Variants in DNAH9 observed in about 807,000 individuals in gnomAD.
The protein encoded by DNAH9 is DNAH9 variant protein.
DNAH9 carries 345 observed loss-of-function variants against 471.6 expected under a neutral mutation model. The observed-to-expected ratio is 0.73, with a 90% CI of 0.67 to 0.80. The LOEUF (loss-of-function observed/expected upper bound fraction) is 0.80, where lower values mean the gene tolerates loss of function less well. Among genes scored for constraint, DNAH9 ranks in the 30% least tolerant of loss-of-function variants. The pLI, the probability that DNAH9 is intolerant of heterozygous loss-of-function variation, is 0.00. For missense variants in DNAH9, 5,407 were observed against 5,609.2 expected (o/e 0.96, Z 1.15); for synonymous variants, 2,093 against 2,123.6 (o/e 0.99, Z 0.40).
intron 45 of DNAH9, among the ~76,000 whole-genome samples, chr17:11,821,128 C>CA (rs1429130252): frequency 6.6e-6 from 1 of 151,384 alleles, no homozygotes; most frequent in South Asian, 2.1e-4. Context: ...ACTAAAAATA[C>CA]AAAAAAAATT....
intron 26 of DNAH9, among the ~76,000 whole-genome samples, chr17:11,709,075 C>T (rs2150784119): frequency 6.6e-6 from 1 of 152,310 alleles, no homozygotes; most frequent in Non-Finnish European, 1.5e-5. Flanking sequence ...TGGGCCTTCG[C>T]AGTCGCCCAG....
intron 45 of DNAH9, among the ~76,000 whole-genome samples, chr17:11,812,803 C>T (rs1969972894): frequency 1.3e-5 from 2 of 152,142 alleles, no homozygotes; most frequent in African/African-American, 2.4e-5. Context: ...ATCTCTTTAA[C>T]ATCTCATCAC....
At chr17:11,930,765 C>CAAAAAAAAAAAAAAAAAAAAAAAA (rs11371438) in intron 63 of DNAH9, among the ~76,000 whole-genome samples, 30 of 125,154 alleles carry the variant, frequency 2.4e-4, no homozygotes, top group African/African-American at 9.1e-4. Flanking sequence ...ACTCCATCTC[C>CAAAAAAAAAAAAAAAAAAAAAAAA]AAAAAAAAAA....
In DNAH9 at chr17:11,956,360, T is replaced by A. The variant is rs570369697; in HGVS notation, c.12844-5507T>A. Among the ~76,000 whole-genome samples the A allele has an allele frequency of 1.6e-3, 246 of 149,358 alleles. 2 individuals are homozygous for A. Among genetic ancestry groups the A allele is most frequent in the African/African-American group, 5.7e-3 (223 of 38,902 alleles). On this transcript the variant is annotated intron_variant, in intron 67 of 68. Coordinates refer to ENST00000262442, the MANE Select transcript of DNAH9 (RefSeq NM_001372.4). Reference sequence around the variant, plus strand: ...TACATAAAGCAAAAAAATGATAGAATCAAAAGAAGAAATAAACAAATCCAT... The same window carrying A: ...TACATAAAGCAAAAAAATGATAGAAACAAAAGAAGAAATAAACAAATCCAT...
intron 27 of DNAH9, among the ~76,000 whole-genome samples, chr17:11,721,592 C>T (rs2150805260): frequency 6.6e-6 from 1 of 150,724 alleles, no homozygotes; most frequent in South Asian, 2.1e-4. Context: ...TGCAGGATGC[C>T]AAAAACAGAT....
chr17:11,690,321 A>G lies in DNAH9; in HGVS notation c.4499A>G (p.Lys1500Arg), dbSNP rs1567721166. Residue 1500 changes from lysine to arginine, a missense_variant, in exon 20 of 69, where the codon AAG becomes AGG. By Grantham distance (26) the Lys-to-Arg change is conservative. Transcript: ENST00000262442. ...FFLEEVSGWQ[K>R]KLSTVDAVIS... Reference sequence around the variant, plus strand: ...TTGGAGGAGGTGTCGGGCTGGCAGAAGAAGCTGTCCACAGTGGACGCTGTC... The same window carrying G: ...TTGGAGGAGGTGTCGGGCTGGCAGAGGAAGCTGTCCACAGTGGACGCTGTC... The G allele has an allele frequency of 2.5e-6, 4 of 1,614,094 alleles. No individual in the cohort carries two copies. The highest frequency in any genetic ancestry group is 1.7e-5 in the Admixed American group (1 of 60,000).
chr17:11,969,589 G>A lies in DNAH9; in HGVS notation c.*62G>A, dbSNP rs1196506371. ...GCTTGGAGGCTGCCTAGAGGGACAG[G>A]TGGGTGAAGGGTCACCACAGACACT... On this transcript the variant is annotated 3_prime_UTR_variant, in exon 69 of 69. Coordinates refer to ENST00000262442, the MANE Select transcript of DNAH9 (RefSeq NM_001372.4). The A allele has an allele frequency of 1.1e-5, 15 of 1,353,130 alleles. No individual in the cohort carries two copies. Among genetic ancestry groups the A allele is most frequent in the Non-Finnish European group, 1.3e-5 (13 of 999,992 alleles). The allele number at this position is 1,353,130 out of a possible 1,614,324, so 83.8% of individuals were successfully genotyped here. A position where few individuals can be genotyped will look rare whatever the true frequency, so the allele number is the denominator to read the frequency against.
intron 1 of DNAH9, among the ~76,000 whole-genome samples, chr17:11,607,869 C>T (rs986958006): frequency 7.2e-5 from 11 of 152,208 alleles, no homozygotes; most frequent in East Asian, 3.9e-4. Context: ...CGCACTTAGC[C>T]GATAAAGAAT....
At chr17:11,727,297 A>G (rs910727773) in intron 27 of DNAH9, among the ~76,000 whole-genome samples, 1 of 151,878 alleles carries the variant, frequency 6.6e-6, no homozygotes, top group African/African-American at 2.4e-5. Context: ...ATTTGAAAAG[A>G]TTTACCTTTA....
chr17:11,649,039 AT>A (rs1191704822), intron 12 of DNAH9, among the ~76,000 whole-genome samples: 1 of 151,908 alleles, frequency 6.6e-6, no homozygotes, highest in Non-Finnish European at 1.5e-5. Context: ...AGGCAGGAGA[AT>A]TGCTTGAACC....
chr17:11,866,725 C>A (rs1325225634), intron 50 of DNAH9, among the ~76,000 whole-genome samples: 1 of 152,228 alleles, frequency 6.6e-6, no homozygotes, highest in African/African-American at 2.4e-5. Flanking sequence ...TGGGCAATGG[C>A]GGGCGCCCCT....
At chr17:11,895,665 C>T (rs1201854570) in intron 59 of DNAH9, among the ~76,000 whole-genome samples, 1 of 152,088 alleles carries the variant, frequency 6.6e-6, no homozygotes, top group African/African-American at 2.4e-5. Context: ...TCATGTTGGC[C>T]TTCTATAACC....
intron 19 of DNAH9, among the ~76,000 whole-genome samples, chr17:11,682,279 C>T (rs2074146488): frequency 2.0e-5 from 3 of 150,908 alleles, no homozygotes; most frequent in Non-Finnish European, 4.4e-5. Context: ...GAGGTAGCGT[C>T]TTGCTCTGTC....
chr17:11,752,393 T>C (rs922008598), intron 32 of DNAH9, among the ~76,000 whole-genome samples: 5 of 152,208 alleles, frequency 3.3e-5, no homozygotes, highest in African/African-American at 1.2e-4. Context: ...TTATGAAAAG[T>C]TAGACTAAAG....
rs750883499 is a variant in DNAH9, at chr17:11,705,196, G to T, written c.5552+11G>T. 1.2e-6 allele frequency: 2 copies of T among 1,613,200 alleles called. No individual in the cohort carries two copies. Among genetic ancestry groups the T allele is most frequent in the South Asian group, 2.2e-5 (2 of 91,014 alleles). On this transcript the variant is annotated intron_variant, in intron 26 of 68. Coordinates refer to ENST00000262442, the MANE Select transcript of DNAH9 (RefSeq NM_001372.4). ...ACCTTTGACTGACAGGTGAGCACTG[G>T]TGTCAACCACTGACAGCCTTACTGC...
chr17:11,937,388 C>T lies in DNAH9; in HGVS notation c.12526C>T (p.Leu4176Phe). 2 of 1,613,898 alleles carry T rather than the reference C, an allele frequency of 1.2e-6. No homozygotes were observed. Among genetic ancestry groups the T allele is most frequent in the Admixed American group, 1.7e-5 (1 of 59,996 alleles). ...DAELPPESPY[L>F]YGLHPNAEIG... ...TGAGCTGCCCCCAGAATCCCCCTACCTCTATGGCCTCCACCCGAACGCAGA... is the reference window on the plus strand; with the variant it reads ...TGAGCTGCCCCCAGAATCCCCCTACTTCTATGGCCTCCACCCGAACGCAGA... Residue 4176 changes from leucine to phenylalanine, a missense_variant, in exon 66 of 69, where the codon CTC (leucine) becomes TTC (phenylalanine). Physicochemically the swap from Leu to Phe is conservative, Grantham distance 22. This residue lies in a region of DNAH9 where 4,636 missense variants were observed against 4,900.3 expected (regional missense o/e 0.95). Transcript: ENST00000262442. The surrounding 1 kb of genome is among the most constrained non-coding windows in gnomAD (Gnocchi z 4.1).
chr17:11,725,234 A>G (rs758783644), intron 27 of DNAH9, among the ~76,000 whole-genome samples: 81 of 152,216 alleles, frequency 5.3e-4, no homozygotes, highest in Non-Finnish European at 9.7e-4. Context: ...GATTTAAGGT[A>G]CACAAACACA....
At position 11,598,599 on chromosome 17, in the gene DNAH9, T is replaced by C; in HGVS notation, c.101T>C (p.Met34Thr). ...CGACTCCTGGGGACCTACGTGGCCA[T>C]GAGCCTGCGGCCGGCTGCGGGCGCC... Reference protein sequence around the residue: ...RLRLLGTYVAMSLRPAAGAWE... With the variant: ...RLRLLGTYVATSLRPAAGAWE... Residue 34 changes from methionine to threonine, a missense_variant, in exon 1 of 69, where the codon ATG (methionine) becomes ACG (threonine). This residue lies in a region of DNAH9 where 767 missense variants were observed against 692.5 expected (regional missense o/e 1.11). Transcript: ENST00000262442. 2 of 1,340,930 alleles carry C rather than the reference T, an allele frequency of 1.5e-6. No individual in the cohort carries two copies. The highest frequency in any genetic ancestry group is 1.9e-6 in the Non-Finnish European group (2 of 1,046,484). 83.1% of individuals were successfully genotyped at this position (1,340,930 alleles called of 1,614,324 possible).
At chr17:11,690,517 GGC>G in intron 20 of DNAH9, 81 bp downstream of exon 20, 1 of 1,324,312 alleles carries the variant, frequency 7.6e-7, no homozygotes, top group African/African-American at 1.5e-5. Context: ...GCATTGTCTA[GGC>G]TCTTTCCTTT....
Sources: gnomAD v4.1 joint callset for allele counts (sites outside exome capture counted in the v4.1 genomes callset) on GRCh38, gnomAD v4.1.1 for gene constraint, gnomAD v4.1.1 regional missense constraint, Gnocchi (gnomAD v3.1) non-coding constraint, MANE v1.5 for transcripts, NCBI Gene and HGNC (gene_info 2026-07-23, HGNC 2026-07-21) for gene names.